FBP1: variants seen among roughly 807,000 people sequenced by gnomAD.
FBP1 encodes fructose-bisphosphatase 1.
FBP1 carries 22 observed loss-of-function variants against 29.9 expected under a neutral mutation model. That is an observed-to-expected ratio of 0.74 (90% CI 0.53 to 1.05). The LOEUF (loss-of-function observed/expected upper bound fraction) is 1.05, where lower values mean the gene tolerates loss of function less well. Among genes scored for constraint, FBP1 ranks in the 50% least tolerant of loss-of-function variants. The pLI, the probability that FBP1 is intolerant of heterozygous loss-of-function variation, is 0.00. For synonymous variants in FBP1, 175 were observed against 178.6 expected (o/e 0.98, Z 0.16); for missense variants, 345 against 448.2 (o/e 0.77, Z 2.08).
At chr9:94,633,871 A>AT (rs1414348727) in intron 1 of FBP1, among the ~76,000 whole-genome samples, 2 of 151,302 alleles carry the variant, frequency 1.3e-5, no homozygotes, top group East Asian at 2.0e-4. Context: ...CGCCCGGCTA[A>AT]TTTTTTTGTA....
intron 3 of FBP1, among the ~76,000 whole-genome samples, chr9:94,612,402 T>TC (rs1406677238): frequency 1.3e-5 from 2 of 152,120 alleles, no homozygotes; most frequent in Admixed American, 1.3e-4. Context: ...TGACATACGG[T>TC]CACCAAATGC....
In FBP1 at chr9:94,605,519, G is replaced by C. The variant is rs944699141; in HGVS notation, c.763C>G (p.Arg255Gly). The C allele has an allele frequency of 6.2e-7, 1 of 1,613,720 alleles. No homozygotes were observed. Among genetic ancestry groups the C allele is most frequent in the Non-Finnish European group, 8.5e-7 (1 of 1,179,740 alleles). Reference sequence around the variant, plus strand: ...AATATCCCTCCGTAGACCAGAGTGCGATGAACATCAGCCACCATGGAGCCC... The same window carrying C: ...AATATCCCTCCGTAGACCAGAGTGCCATGAACATCAGCCACCATGGAGCCC... ...YVGSMVADVH[R>G]TLVYGGIFLY... The change falls in exon 6 of 7, where the codon CGC becomes GGC. Residue 255 changes from arginine (R) to glycine (G), a missense_variant. Transcript: ENST00000375326.
At position 94,603,557 on chromosome 9, in the gene FBP1, C is replaced by T. The variant is rs566453434; in HGVS notation, c.841G>A (p.Glu281Lys). 67 of 1,614,142 alleles carry T rather than the reference C, an allele frequency of 4.2e-5. No homozygotes were observed. The South Asian group carries it at 6.7e-4, about 16-fold the overall frequency. The change falls in exon 7 of 7, where the codon GAA (glutamate) becomes AAA (lysine). Residue 281 changes from glutamate to lysine, a missense_variant. Physicochemically the swap from Glu to Lys is moderately conservative, Grantham distance 56. Transcript: ENST00000375326. ...ATGACGTAGGCCATGGGGTTGCATT[C>T]GTACAGCAGTCTCAGCTGGAAAACA... ...SPNGKLRLLY[E>K]CNPMAYVMEK... is the part of the protein sequence containing the mutation.
chr9:94,625,759 C>T (rs923351640), intron 1 of FBP1, among the ~76,000 whole-genome samples: 9 of 152,220 alleles, frequency 5.9e-5, no homozygotes, highest in African/African-American at 1.9e-4. Flanking sequence ...GGCGCCCCTG[C>T]GCTCCAGCCT....
At chr9:94,640,239 G>C (rs1587871904), upstream of FBP1, 1 of 152,362 alleles carries the variant, frequency 6.6e-6, no homozygotes, top group South Asian at 2.1e-4. Context: ...TGACCCCCTG[G>C]TAGCCACAAT....
intron 1 of FBP1, among the ~76,000 whole-genome samples, chr9:94,632,930 C>T (rs565820395): frequency 6.6e-6 from 1 of 152,254 alleles, no homozygotes; most frequent in South Asian, 2.1e-4. Context: ...TAAACTGGTC[C>T]AGATCTCCTC....
Position 94,612,549 on chromosome 9 carries a change from A to AC in FBP1, c.427-2489_427-2488insG, listed in dbSNP as rs1284753726. Among the ~76,000 whole-genome samples the AC allele has an allele frequency of 1.0e-4, 11 of 108,028 alleles. 3 individuals are homozygous for AC. The highest frequency in any genetic ancestry group is 1.7e-4 in the African/African-American group (5 of 29,042). The allele number at this position is 108,028 out of a possible 152,430, so 70.9% of individuals were successfully genotyped here. On this transcript the variant is annotated intron_variant, in intron 3 of 6. Transcript: ENST00000375326. ...GAATTCTTTTCTAGCCCAGCCCCCA[A>AC]TTTTTTTTTTTTTTTTTTTTTTTTT...
intron 5 of FBP1, among the ~76,000 whole-genome samples, 199 bp downstream of exon 5, chr9:94,606,616 C>T (rs866337590): frequency 5.5e-4 from 83 of 152,174 alleles, no homozygotes; most frequent in African/African-American, 1.9e-3. Flanking sequence ...AAGCCCAATC[C>T]ACTCCATCCC....
chr9:94,608,284 G>GC (rs1587854182), intron 4 of FBP1, among the ~76,000 whole-genome samples: 1 of 152,198 alleles, frequency 6.6e-6, no homozygotes, highest in East Asian at 1.9e-4. Context: ...GGGAGGCTCA[G>GC]CCCCGTCAGG....
chr9:94,613,857 C>T (rs961658485), intron 3 of FBP1, among the ~76,000 whole-genome samples: 9 of 151,054 alleles, frequency 6.0e-5, no homozygotes, highest in Non-Finnish European at 1.3e-4. Flanking sequence ...GCGGGCGGAT[C>T]ACGAGGTCAG....
rs1046555989 is a variant in FBP1 at position 94,613,984 on chromosome 9, G to C, written c.426+3784C>G. ...TAGTCCCAGCTACTCGGGAGGCTGAGGCAGGAGAATGGCGTGAACCCGGGA... is the reference window on the plus strand; with the variant it reads ...TAGTCCCAGCTACTCGGGAGGCTGACGCAGGAGAATGGCGTGAACCCGGGA... On this transcript the variant is annotated intron_variant, in intron 3 of 6. Coordinates refer to ENST00000375326, the MANE Select transcript of FBP1 (RefSeq NM_000507.4). 7.1e-4 allele frequency among the ~76,000 whole-genome samples: 108 copies of C among 151,148 alleles called. 1 individual carries two copies. Among genetic ancestry groups the C allele is most frequent in the Non-Finnish European group, 1.3e-3 (85 of 67,770 alleles).
intron 1 of FBP1, among the ~76,000 whole-genome samples, chr9:94,636,253 G>T (rs756185476): frequency 1.4e-4 from 21 of 152,064 alleles, no homozygotes; most frequent in Non-Finnish European, 1.9e-4. Flanking sequence ...GCCAAGGTGG[G>T]CAGATCGCTT....
intron 2 of FBP1, among the ~76,000 whole-genome samples, chr9:94,618,153 C>T (rs1396060051): frequency 5.3e-5 from 8 of 152,062 alleles, no homozygotes; most frequent in Non-Finnish European, 1.0e-4. Context: ...CATAATTTTG[C>T]ATTGAGTTTC....
intron 2 of FBP1, among the ~76,000 whole-genome samples, chr9:94,619,936 G>A (rs961937124): frequency 1.3e-5 from 2 of 149,744 alleles, no homozygotes; most frequent in African/African-American, 2.5e-5. Context: ...ACTCCAATGC[G>A]TGCATCAGGG....
At chr9:94,607,452 G>A (rs1469563228) in intron 4 of FBP1, among the ~76,000 whole-genome samples, 2 of 152,154 alleles carry the variant, frequency 1.3e-5, no homozygotes, top group Admixed American at 1.3e-4. Flanking sequence ...CTTGATGGGA[G>A]TTCTCCTTTC....
At chr9:94,621,162 C>T (rs1376773528) in intron 1 of FBP1, among the ~76,000 whole-genome samples, 2 of 140,464 alleles carry the variant, frequency 1.4e-5, no homozygotes, top group Non-Finnish European at 3.0e-5. Context: ...TGCAGTGAGC[C>T]GAGATCGTGC....
intron 2 of FBP1, among the ~76,000 whole-genome samples, chr9:94,620,012 G>A (rs1377937069): frequency 1.3e-5 from 2 of 152,218 alleles, no homozygotes; most frequent in African/African-American, 4.8e-5. Context: ...TTGGTGGATA[G>A]GGATGTAGTA....
Position 94,639,123 on chromosome 9 carries a change from G to A in FBP1, c.170+18C>T, listed in dbSNP as rs748736992. The A allele has an allele frequency of 6.3e-7, 1 of 1,584,128 alleles. No homozygotes were observed. Among genetic ancestry groups the A allele is most frequent in the Non-Finnish European group, 8.6e-7 (1 of 1,166,560 alleles). The stretch of plus-strand genomic sequence containing the variant: ...GCAGACAGACAGGACGGGGCCCACC[G>A]CCCAAGGCCCGACTCACAGGTGCGC... On this transcript the variant is annotated intron_variant, in intron 1 of 6. Transcript: ENST00000375326.
intron 6 of FBP1, among the ~76,000 whole-genome samples, chr9:94,604,927 T>A (rs1827674820): frequency 6.6e-6 from 1 of 152,170 alleles, no homozygotes; most frequent in Non-Finnish European, 1.5e-5. Context: ...GGGAACACCA[T>A]GGGCTTGGAC....
Sources: allele counts gnomAD v4.1 joint callset (sites outside exome capture counted in the v4.1 genomes callset), GRCh38; gene constraint gnomAD v4.1.1; transcripts MANE v1.5; gene names NCBI Gene and HGNC (gene_info 2026-07-23, HGNC 2026-07-21).